Variants in GLIS1 observed in about 807,000 individuals in gnomAD.
GLIS1 encodes GLIS family zinc finger 1, also known as zinc finger protein GLIS1.
GLIS1 carries 24 observed loss-of-function variants against 63.8 expected under a neutral mutation model. That is an observed-to-expected ratio of 0.38 (90% CI 0.27 to 0.53). GLIS1 has a LOEUF of 0.53. Ranked by LOEUF, GLIS1 falls within the 20% of genes least tolerant of loss-of-function variation. The pLI is 0.85. For synonymous variants in GLIS1, 450 were observed against 482.5 expected (o/e 0.93, Z 0.88); for missense variants, 1,036 against 1,074.1 (o/e 0.96, Z 0.50).
chr1:53,676,963 T>C (rs1646219320), intron 2 of GLIS1, among the ~76,000 whole-genome samples: 1 of 152,246 alleles, frequency 6.6e-6, no homozygotes, highest in African/African-American at 2.4e-5. Flanking sequence ...CTGGCCTTGC[T>C]AAGGCTGATC....
intron 9 of GLIS1, among the ~76,000 whole-genome samples, chr1:53,509,551 T>C (rs1388562074): frequency 1.3e-5 from 2 of 152,106 alleles, no homozygotes; most frequent in Non-Finnish European, 2.9e-5. Flanking sequence ...GGCTGATGCC[T>C]ACTCCCTCCA....
At chr1:53,550,738 CT>C (rs900383917) in intron 4 of GLIS1, among the ~76,000 whole-genome samples, 8 of 152,254 alleles carry the variant, frequency 5.3e-5, no homozygotes, top group African/African-American at 1.9e-4. Context: ...ATTAACAGTC[CT>C]CTCAACAACT....
intron 2 of GLIS1, among the ~76,000 whole-genome samples, chr1:53,687,874 G>A (rs775882674): frequency 5.9e-5 from 9 of 152,136 alleles, no homozygotes; most frequent in South Asian, 2.1e-4. Flanking sequence ...TGACCTCCCC[G>A]CATCTCTCAC....
intron 2 of GLIS1, among the ~76,000 whole-genome samples, chr1:53,614,801 C>CAT (rs1254918845): frequency 2.6e-5 from 4 of 151,742 alleles, no homozygotes; most frequent in East Asian, 1.9e-4. Flanking sequence ...CGCACACACA[C>CAT]GCACACACAT....
intron 2 of GLIS1, among the ~76,000 whole-genome samples, chr1:53,631,741 TGTAACGG>T (rs1291270970): frequency 6.6e-6 from 1 of 151,440 alleles, no homozygotes; most frequent in African/African-American, 2.4e-5. Context: ...CACTGAGAAG[TGTAACGG>T]GTAATGACCT....
chr1:53,609,689 G>T (rs187833460), intron 2 of GLIS1, among the ~76,000 whole-genome samples: 1 of 152,016 alleles, frequency 6.6e-6, no homozygotes, highest in South Asian at 2.1e-4. Flanking sequence ...TTCTTCTATT[G>T]CAGTCTAATA....
chr1:53,686,955 T>C (rs929701973), intron 2 of GLIS1, among the ~76,000 whole-genome samples: 1 of 152,174 alleles, frequency 6.6e-6, no homozygotes, highest in Non-Finnish European at 1.5e-5. Context: ...TGTTGAGCCC[T>C]TTCTTTGCCC....
At position 53,594,482 on chromosome 1, in the gene GLIS1, TC is replaced by T; in HGVS notation, c.945del (p.Lys316ArgfsTer5). ...HEGSLQLEAC[R>X]KASFLKQEPA... ...GGTTCCTGCTTCAGGAAGCTCGCCT[TC>T]CGGCAGGCTTCAAGTTGCAAGCTGC... On this transcript the variant is annotated frameshift_variant, in exon 4 of 11. Coordinates refer to ENST00000628545, the MANE Select transcript of GLIS1 (RefSeq NM_001367484.1). LOFTEE classifies it high-confidence loss of function. The T allele has an allele frequency of 6.2e-7, 1 of 1,612,982 alleles. No homozygotes were observed. Among genetic ancestry groups the T allele is most frequent in the Non-Finnish European group, 8.5e-7 (1 of 1,179,958 alleles).
intron 4 of GLIS1, among the ~76,000 whole-genome samples, chr1:53,576,358 C>T (rs924472421): frequency 6.6e-6 from 1 of 152,194 alleles, no homozygotes; most frequent in African/African-American, 2.4e-5. Context: ...CGTGACTTAA[C>T]TTTGCTGTGT....
intron 2 of GLIS1, among the ~76,000 whole-genome samples, chr1:53,736,308 AC>A (rs1000033342): frequency 6.6e-6 from 1 of 152,252 alleles, no homozygotes; most frequent in Non-Finnish European, 1.5e-5. Context: ...AAGATCGTAC[AC>A]AAAGCCCCCA....
chr1:53,712,696 G>T (rs1364706282), intron 2 of GLIS1, among the ~76,000 whole-genome samples: 1 of 152,184 alleles, frequency 6.6e-6, no homozygotes, highest in African/African-American at 2.4e-5. Flanking sequence ...ACTCCATAAG[G>T]CTGGCAGAAG....
chr1:53,517,804 G>A (rs1177639929), intron 7 of GLIS1, among the ~76,000 whole-genome samples: 1 of 152,134 alleles, frequency 6.6e-6, no homozygotes, highest in Admixed American at 6.5e-5. Context: ...CCCTGCCCTT[G>A]CCCCTGCCCC....
At chr1:53,672,763 C>T (rs1021684092) in intron 2 of GLIS1, among the ~76,000 whole-genome samples, 4 of 152,224 alleles carry the variant, frequency 2.6e-5, no homozygotes, top group Non-Finnish European at 4.4e-5. Context: ...TCTATCTCCC[C>T]TTCCCGACAC....
At chr1:53,603,679 G>A (rs962556239) in intron 2 of GLIS1, among the ~76,000 whole-genome samples, 11 of 152,178 alleles carry the variant, frequency 7.2e-5, no homozygotes, top group Admixed American at 2.0e-4. Flanking sequence ...TGGAAAAGCC[G>A]GGGGAGCAGG....
chr1:53,689,740 G>A (rs908916816), intron 2 of GLIS1, among the ~76,000 whole-genome samples: 3 of 152,160 alleles, frequency 2.0e-5, no homozygotes, highest in African/African-American at 7.2e-5. Context: ...CCCCTGTCCA[G>A]GAGCATGGCA....
At chr1:53,685,052 G>T (rs1646319641) in intron 2 of GLIS1, among the ~76,000 whole-genome samples, 1 of 152,184 alleles carries the variant, frequency 6.6e-6, no homozygotes, top group South Asian at 2.1e-4. Context: ...TCCTGGAGGA[G>T]ATGCTGGCAG....
intron 2 of GLIS1, among the ~76,000 whole-genome samples, chr1:53,655,161 A>G (rs989477575): frequency 2.0e-5 from 3 of 152,126 alleles, no homozygotes; most frequent in African/African-American, 7.2e-5. Context: ...GCTAACCTGT[A>G]CCTTCAGATG....
intron 4 of GLIS1, among the ~76,000 whole-genome samples, chr1:53,590,419 T>C (rs1645177532): frequency 6.6e-6 from 1 of 152,142 alleles, no homozygotes; most frequent in Admixed American, 6.5e-5. Context: ...CTCATGCCTA[T>C]TGTTGTTTTA....
At chr1:53,610,899 T>C (rs558611439) in intron 2 of GLIS1, among the ~76,000 whole-genome samples, 64 of 152,336 alleles carry the variant, frequency 4.2e-4, no homozygotes, top group South Asian at 3.5e-3. Context: ...GGATTTTGTC[T>C]ACTGGCCTAT....
Sources: allele counts gnomAD v4.1 joint callset (sites outside exome capture counted in the v4.1 genomes callset), GRCh38; gene constraint gnomAD v4.1.1; transcripts MANE v1.5; gene names NCBI Gene and HGNC (gene_info 2026-07-23, HGNC 2026-07-21).